The following ARHGAP42 variants were observed in gnomAD, a reference collection of about 807,000 sequenced individuals.
ARHGAP42 encodes the protein Rho GTPase activating protein 42.
A neutral mutation model predicts 125.0 loss-of-function variants in ARHGAP42; 63 were observed. The ratio of observed to expected loss-of-function variants is 0.50; its 90% CI spans 0.41 to 0.62. ARHGAP42 has a LOEUF of 0.62. Among genes scored for constraint, ARHGAP42 ranks in the 20% least tolerant of loss-of-function variants. The pLI, the probability that ARHGAP42 is intolerant of heterozygous loss-of-function variation, is 0.00. For missense variants in ARHGAP42, 766 were observed against 1,024.2 expected, an observed-to-expected ratio of 0.75 and a Z score of 3.44; for synonymous variants, 339 against 351.0, an observed-to-expected ratio of 0.97 and a Z score of 0.38.
intron 1 of ARHGAP42, among the ~76,000 whole-genome samples, chr11:100,706,073 G>A (rs986402521): frequency 2.7e-5 from 4 of 148,584 alleles, no homozygotes; most frequent in East Asian, 2.0e-4. Context: ...TCTGCATCCC[G>A]GGTTCAGGCA....
chr11:100,984,437 C>T (rs529113562), intron 22 of ARHGAP42, among the ~76,000 whole-genome samples: 25 of 151,432 alleles, frequency 1.7e-4, no homozygotes, highest in Admixed American at 8.6e-4. Flanking sequence ...TTTCTACCTC[C>T]GTGCACTCCT....
At chr11:100,948,401 TG>T in intron 10 of ARHGAP42, 55 bp from the exon 11 acceptor site, 1 of 1,271,100 alleles carries the variant, frequency 7.9e-7, no homozygotes, top group Non-Finnish European at 1.1e-6. Flanking sequence ...TTTAGTTAAC[TG>T]AGAATTTAAA....
At chr11:100,721,953 G>A (rs1861765817) in intron 1 of ARHGAP42, among the ~76,000 whole-genome samples, 1 of 152,150 alleles carries the variant, frequency 6.6e-6, no homozygotes, top group South Asian at 2.1e-4. Flanking sequence ...ACTCATTTTG[G>A]TTAGTACTGA....
Position 100,987,593 on chromosome 11 carries a change from G to C in ARHGAP42, c.2536+1G>C. 1 of 1,550,962 alleles carries C rather than the reference G, an allele frequency of 6.4e-7. No individual in the cohort carries two copies. Among genetic ancestry groups the C allele is most frequent in the Non-Finnish European group, 8.7e-7 (1 of 1,146,356 alleles). Reference sequence around the variant, plus strand: ...CCACAAGGAGCAATATTTTCTAATGGTAAGTATGTCAATTCCCTCTGCCTA... The same window carrying C: ...CCACAAGGAGCAATATTTTCTAATGCTAAGTATGTCAATTCCCTCTGCCTA... On this transcript the variant is annotated splice_donor_variant, in intron 23 of 23. Transcript: ENST00000298815. LOFTEE classifies it high-confidence loss of function.
intron 2 of ARHGAP42, among the ~76,000 whole-genome samples, chr11:100,793,960 G>A (rs890731179): frequency 6.6e-6 from 1 of 151,604 alleles, no homozygotes; most frequent in Non-Finnish European, 1.5e-5. Flanking sequence ...GTACACGCCT[G>A]TAGTCTTAGG....
intron 4 of ARHGAP42, among the ~76,000 whole-genome samples, chr11:100,898,273 G>A (rs1168854586): frequency 6.6e-6 from 1 of 152,170 alleles, no homozygotes; most frequent in Non-Finnish European, 1.5e-5. Flanking sequence ...TTACGTCGAT[G>A]TTCATCAGGG....
chr11:100,693,546 C>A (rs1861227567), intron 1 of ARHGAP42, among the ~76,000 whole-genome samples: 1 of 152,180 alleles, frequency 6.6e-6, no homozygotes, highest in South Asian at 2.1e-4. Context: ...TTCTCATGAT[C>A]TCCATGAGCT....
chr11:100,813,189 G>T (rs1329483471), intron 3 of ARHGAP42, among the ~76,000 whole-genome samples: 1 of 152,154 alleles, frequency 6.6e-6, no homozygotes, highest in Non-Finnish European at 1.5e-5. Context: ...CAGCACTGTT[G>T]ATATTTTGGA....
rs1368038453 is a variant in ARHGAP42, at chr11:100,980,570, T to C, written c.2456+1521T>C. Reference sequence around the variant, plus strand: ...TTCTTTTTCTTCTTCTTTTTTTTTTTTTTTTTTTTTTTTTTTTTTGAGAAA... The same window carrying C: ...TTCTTTTTCTTCTTCTTTTTTTTTTCTTTTTTTTTTTTTTTTTTTGAGAAA... On this transcript the variant is annotated intron_variant, in intron 22 of 23. Coordinates refer to ENST00000298815, the MANE Select transcript of ARHGAP42 (RefSeq NM_152432.4). Among the ~76,000 whole-genome samples the C allele has an allele frequency of 9.4e-4, 83 of 87,968 alleles. 5 individuals carry two copies. Among genetic ancestry groups the C allele is most frequent in the East Asian group, 9.3e-3 (32 of 3,444 alleles). 57.7% of individuals were successfully genotyped at this position (87,968 alleles called of 152,430 possible).
intron 4 of ARHGAP42, among the ~76,000 whole-genome samples, chr11:100,891,918 A>G (rs985120091): frequency 6.6e-6 from 1 of 152,174 alleles, no homozygotes; most frequent in African/African-American, 2.4e-5. Context: ...GTATTGCTAG[A>G]TGAGTGAGAG....
At chr11:100,724,371 T>C (rs1340669314) in intron 1 of ARHGAP42, among the ~76,000 whole-genome samples, 1 of 152,194 alleles carries the variant, frequency 6.6e-6, no homozygotes, top group Non-Finnish European at 1.5e-5. Flanking sequence ...CTTCTATTTC[T>C]GTAAGAACTC....
chr11:100,900,270 A>G (rs1002250958), intron 4 of ARHGAP42, among the ~76,000 whole-genome samples: 1 of 152,184 alleles, frequency 6.6e-6, no homozygotes, highest in Admixed American at 6.5e-5. Flanking sequence ...TTCTGCCAAG[A>G]GTTCTCCTGC....
In ARHGAP42 at chr11:100,959,870, C is replaced by T. The variant is rs761864444; in HGVS notation, c.1163-13C>T. On this transcript the variant is annotated splice_polypyrimidine_tract_variant and intron_variant, in intron 12 of 23. Coordinates refer to ENST00000298815, the MANE Select transcript of ARHGAP42 (RefSeq NM_152432.4). Reference sequence around the variant, plus strand: ...AGCGTAAACACCTAATGCGATTTCTCTCTTATTTTCAGTGTATTTGAATGA... The same window carrying T: ...AGCGTAAACACCTAATGCGATTTCTTTCTTATTTTCAGTGTATTTGAATGA... 1.1e-4 allele frequency: 167 copies of T among 1,550,766 alleles called. No individual in the cohort carries two copies. Among genetic ancestry groups the T allele is most frequent in the Admixed American group, 5.1e-4 (26 of 50,958 alleles).
intron 22 of ARHGAP42, among the ~76,000 whole-genome samples, chr11:100,986,608 A>C (rs1167156350): frequency 6.6e-6 from 1 of 152,216 alleles, no homozygotes; most frequent in African/African-American, 2.4e-5. Context: ...CTAGGAAGCC[A>C]GGAAGCCATT....
chr11:100,890,622 A>G (rs1282061532), intron 4 of ARHGAP42, among the ~76,000 whole-genome samples: 1 of 152,224 alleles, frequency 6.6e-6, no homozygotes, highest in Non-Finnish European at 1.5e-5. Context: ...ATTATATCGA[A>G]TAGATATAAC....
intron 1 of ARHGAP42, among the ~76,000 whole-genome samples, chr11:100,753,376 G>A (rs1416302438): frequency 1.3e-5 from 2 of 152,138 alleles, no homozygotes; most frequent in Non-Finnish European, 2.9e-5. Flanking sequence ...TACTGCCCCA[G>A]GCCGTCATTC....
chr11:100,737,976 A>G (rs187446029), intron 1 of ARHGAP42, among the ~76,000 whole-genome samples: 93 of 152,328 alleles, frequency 6.1e-4, no homozygotes, highest in African/African-American at 1.9e-3. Flanking sequence ...ACAGTGAGGA[A>G]GAAATTGTAT....
chr11:100,695,966 C>T (rs1457562422), intron 1 of ARHGAP42, among the ~76,000 whole-genome samples: 1 of 152,108 alleles, frequency 6.6e-6, no homozygotes, highest in East Asian at 1.9e-4. Context: ...TGGCTTACAG[C>T]TGTAATCCCA....
chr11:100,942,001 TAGA>T lies in ARHGAP42; in HGVS notation c.933+120_933+122del, dbSNP rs1460681295. On this transcript the variant is annotated intron_variant, in intron 9 of 23. Transcript: ENST00000298815. ...TAACATGTACACATTTACAAAAAAA[TAGA>T]AGGTCAAAGGTTTTCTCTCATTTTT... is the stretch of plus-strand genomic sequence containing the variant. The T allele has an allele frequency of 2.6e-5, 21 of 799,492 alleles. No homozygotes were observed. The Admixed American group carries it at 5.2e-4, about 20-fold the overall frequency. The allele number at this position is 799,492 out of a possible 1,614,324, so 49.5% of individuals were successfully genotyped here.
Sources: allele counts gnomAD v4.1 joint callset (sites outside exome capture counted in the v4.1 genomes callset), GRCh38; gene constraint gnomAD v4.1.1; transcripts MANE v1.5; gene names NCBI Gene and HGNC (gene_info 2026-07-23, HGNC 2026-07-21).